ADGRB2: variants seen among roughly 807,000 people sequenced by gnomAD.
ADGRB2 encodes adhesion G protein-coupled receptor B2, also known as brain-specific angiogenesis inhibitor 2.
ADGRB2 carries 47 observed loss-of-function variants against 178.7 expected under a neutral mutation model. The observed-to-expected ratio is 0.26, with a 90% confidence interval of 0.21 to 0.34. The LOEUF is 0.34. Ranked by LOEUF, ADGRB2 falls within the 10% of genes least tolerant of loss-of-function variation. The pLI, the probability that ADGRB2 is intolerant of heterozygous loss-of-function variation, is 1.00. For synonymous variants in ADGRB2, 870 were observed against 912.4 expected (o/e 0.95, Z 0.84); for missense variants, 1,584 against 2,180.8 (o/e 0.73, Z 5.45).
At position 31,728,535 on chromosome 1, in the gene ADGRB2, A is replaced by G. The variant is rs1411058666; in HGVS notation, c.4416+63T>C. On this transcript the variant is annotated intron_variant, in intron 30 of 32. Coordinates refer to ENST00000373658, the MANE Select transcript of ADGRB2 (RefSeq NM_001364857.2). This position sits in a 1 kb window ranked among gnomAD's most constrained non-coding sequence, Gnocchi z 6.7. ...AGAGCTTGGACTACTTTTAGGAGTG[A>G]GCCCTCCAGGGACAGACACCACAGC... The G allele has an allele frequency of 3.7e-6, 6 of 1,607,416 alleles. No individual in the cohort carries two copies. Among genetic ancestry groups the G allele is most frequent in the Non-Finnish European group, 4.3e-6 (5 of 1,174,070 alleles).
chr1:31,734,330 G>C (rs993674769), intron 25 of ADGRB2, among the ~76,000 whole-genome samples: 2 of 152,222 alleles, frequency 1.3e-5, no homozygotes, highest in African/African-American at 4.8e-5. Flanking sequence ...AAACTGGAGT[G>C]AGCCCAGCTG....
In ADGRB2 at chr1:31,739,493, G is replaced by A. The variant is rs750157781; in HGVS notation, c.2310C>T (p.Ser770=). Residue 770 remains serine (S), a synonymous_variant, in exon 15 of 33, where the codon TCC becomes TCT. Coordinates refer to ENST00000373658, the MANE Select transcript of ADGRB2 (RefSeq NM_001364857.2). ...CCCCAGATGTGGCTGGCTTCCCTGG[G>A]GAGGAGAGGCTGAGCACCTCCTTGG... ...FLPKEVLSLS[S]PGKPATSGAA... 9 of 1,612,704 alleles carry A rather than the reference G, an allele frequency of 5.6e-6. No homozygotes were observed. The highest frequency in any genetic ancestry group is 7.6e-6 in the Non-Finnish European group (9 of 1,179,744).
chr1:31,735,878 C>A lies in ADGRB2; in HGVS notation c.3216G>T (p.Leu1072=). ...CAAAGGCGTAGAGCAGGCCGCCCTC[C>A]AGGGAGAGCCAGCAGCTGGGGTGGG... The part of the protein sequence containing the change: ...YGTSSYCWLS[L]EGGLLYAFVG... Residue 1072 remains leucine (L), a synonymous_variant, in exon 23 of 33, where the codon CTG becomes CTT. Coordinates refer to ENST00000373658, the MANE Select transcript of ADGRB2 (RefSeq NM_001364857.2). This position sits in a 1 kb window ranked among gnomAD's most constrained non-coding sequence, Gnocchi z 6.0. 6.3e-7 allele frequency: 1 copy of A among 1,599,750 alleles called. No individual in the cohort carries two copies. Among genetic ancestry groups the A allele is most frequent in the Non-Finnish European group, 8.5e-7 (1 of 1,173,074 alleles).
At chr1:31,762,908 C>T (rs1647084782) in intron 1 of ADGRB2, among the ~76,000 whole-genome samples, 1 of 152,214 alleles carries the variant, frequency 6.6e-6, no homozygotes, top group African/African-American at 2.4e-5. Context: ...CCCCTCCCCC[C>T]GGCGGGCAAC....
chr1:31,756,904 T>G lies in ADGRB2; in HGVS notation c.22-89A>C. On this transcript the variant is annotated intron_variant, in intron 3 of 32. Coordinates refer to ENST00000373658, the MANE Select transcript of ADGRB2 (RefSeq NM_001364857.2). The surrounding 1 kb of genome is among the most constrained non-coding windows in gnomAD (Gnocchi z 8.5). Reference sequence around the variant, plus strand: ...TGGTGAGCTGCGGGAGTGGGCCTCATAAGTTAAGACCCTGGTCTTTGAAGT... The same window carrying G: ...TGGTGAGCTGCGGGAGTGGGCCTCAGAAGTTAAGACCCTGGTCTTTGAAGT... 1 of 1,312,204 alleles carries G rather than the reference T, an allele frequency of 7.6e-7. No individual in the cohort carries two copies. Among genetic ancestry groups the G allele is most frequent in the Non-Finnish European group, 1.0e-6 (1 of 975,692 alleles). The allele number at this position is 1,312,204 out of a possible 1,614,324, so 81.3% of individuals were successfully genotyped here. A position where few individuals can be genotyped will look rare whatever the true frequency, so the allele number is the denominator to read the frequency against.
In ADGRB2 at chr1:31,735,575, C is replaced by G. The variant is rs1472885814; in HGVS notation, c.3353+5G>C. On this transcript the variant is annotated splice_donor_5th_base_variant and intron_variant, in intron 24 of 32. Coordinates refer to ENST00000373658, the MANE Select transcript of ADGRB2 (RefSeq NM_001364857.2). This position sits in a 1 kb window ranked among gnomAD's most constrained non-coding sequence, Gnocchi z 6.0. ...AAGGCCAAGTCTCAGAGGCCCCCCCCTTACCCGGCCCTCTGCTTCTTGGAT... is the reference window on the plus strand; with the variant it reads ...AAGGCCAAGTCTCAGAGGCCCCCCCGTTACCCGGCCCTCTGCTTCTTGGAT... 9.9e-6 allele frequency: 16 copies of G among 1,613,798 alleles called. No homozygotes were observed. The highest frequency in any genetic ancestry group is 1.3e-5 in the Non-Finnish European group (15 of 1,179,722).
intron 29 of ADGRB2, among the ~76,000 whole-genome samples, chr1:31,729,070 C>T (rs1302434190): frequency 6.6e-6 from 1 of 152,130 alleles, no homozygotes; most frequent in Non-Finnish European, 1.5e-5. Flanking sequence ...CTCACACTGC[C>T]CCTTTTCCTG....
chr1:31,734,088 G>A (rs1004217153), intron 25 of ADGRB2, among the ~76,000 whole-genome samples: 1 of 152,202 alleles, frequency 6.6e-6, no homozygotes, highest in African/African-American at 2.4e-5. Flanking sequence ...CCTAGGAAGT[G>A]CAGTTCAGGG....
In ADGRB2 at chr1:31,744,229, C is replaced by G. The variant is rs1646148991; in HGVS notation, c.1051G>C (p.Glu351Gln). The change falls in exon 6 of 33, where the codon GAG becomes CAG. Residue 351 changes from glutamate to glutamine, a missense_variant. Around this residue, in one of 3 missense-constraint regions of ADGRB2, gnomAD observed 657 missense variants for 847.6 expected, o/e 0.78. Transcript: ENST00000373658. The surrounding 1 kb of genome is among the most constrained non-coding windows in gnomAD (Gnocchi z 6.7). ...YGTLCSGPLRETRPCNNSATC... is the reference protein window; with the variant it reads ...YGTLCSGPLRQTRPCNNSATC... ...GCTGAATTGTTGCAGGGCCTGGTCT[C>G]CCGCAGGGGCCCGCTGCACAGGGTC... The G allele has an allele frequency of 6.5e-7, 1 of 1,545,264 alleles. No homozygotes were observed. Among genetic ancestry groups the G allele is most frequent in the South Asian group, 1.2e-5 (1 of 83,816 alleles).
rs1381553307 is a variant in ADGRB2 at position 31,754,616 on chromosome 1, A to G, written c.838+1383T>C. Among the ~76,000 whole-genome samples the G allele has an allele frequency of 6.6e-6, 1 of 152,256 alleles. No homozygotes were observed. The highest frequency in any genetic ancestry group is 1.9e-4 in the East Asian group (1 of 5,200). On this transcript the variant is annotated intron_variant, in intron 4 of 32. Coordinates refer to ENST00000373658, the MANE Select transcript of ADGRB2 (RefSeq NM_001364857.2). The surrounding 1 kb of genome is among the most constrained non-coding windows in gnomAD (Gnocchi z 5.7). ...CTTCATTGACCGCCGTTAGAGGCCA[A>G]GCTAGCCTGGGAGAGAGGCCACAGC...
chr1:31,728,691 G>A lies in ADGRB2; in HGVS notation c.4381-58C>T. 2 of 1,597,772 alleles carry A rather than the reference G, an allele frequency of 1.3e-6. No homozygotes were observed. Among genetic ancestry groups the A allele is most frequent in the Non-Finnish European group, 1.7e-6 (2 of 1,165,834 alleles). Reference sequence around the variant, plus strand: ...GAAGAAAGCTTTTTACCACCGGCAGGGGCTTTAGAGACAGGAAGCCTGGCA... The same window carrying A: ...GAAGAAAGCTTTTTACCACCGGCAGAGGCTTTAGAGACAGGAAGCCTGGCA... On this transcript the variant is annotated intron_variant, in intron 29 of 32. Coordinates refer to ENST00000373658, the MANE Select transcript of ADGRB2 (RefSeq NM_001364857.2). This position sits in a 1 kb window ranked among gnomAD's most constrained non-coding sequence, Gnocchi z 6.7.
chr1:31,733,622 GCAGAGCACGCGGGGGACATC>G lies in ADGRB2; in HGVS notation c.3453-499_3453-480del, dbSNP rs1382717903. ...ACACCCAGACAGAAAGATTAAACAG[GCAGAGCACGCGGGGGACATC>G]CAGAGCACGAATCCTCAGGGAGAAG... is the stretch of plus-strand genomic sequence containing the variant. On this transcript the variant is annotated intron_variant, in intron 25 of 32. Coordinates refer to ENST00000373658, the MANE Select transcript of ADGRB2 (RefSeq NM_001364857.2). This position sits in a 1 kb window ranked among gnomAD's most constrained non-coding sequence, Gnocchi z 4.3. Among the ~76,000 whole-genome samples, 2 of 152,160 alleles carry G rather than the reference GCAGAGCACGCGGGGGACATC, an allele frequency of 1.3e-5. No individual in the cohort carries two copies. The highest frequency in any genetic ancestry group is 2.9e-5 in the Non-Finnish European group (2 of 68,030).
chr1:31,739,333 G>T lies in ADGRB2; in HGVS notation c.2470C>A (p.Leu824Ile). 1 of 1,455,468 alleles carries T rather than the reference G, an allele frequency of 6.9e-7. No homozygotes were observed. Among genetic ancestry groups the T allele is most frequent in the Non-Finnish European group, 9.1e-7 (1 of 1,101,354 alleles). 90.2% of individuals were successfully genotyped at this position (1,455,468 alleles called of 1,614,324 possible). A position where few individuals can be genotyped will look rare whatever the true frequency, so the allele number is the denominator to read the frequency against. Residue 824 changes from leucine (L) to isoleucine (I), a missense_variant, in exon 15 of 33, where the codon CTT (leucine) becomes ATT (isoleucine). Around this residue, in one of 3 missense-constraint regions of ADGRB2, gnomAD observed 865 missense variants for 1,192.8 expected, o/e 0.73. Coordinates refer to ENST00000373658, the MANE Select transcript of ADGRB2 (RefSeq NM_001364857.2). ...FVIGAVLYRT[L>I]GLILPPPRPP... ...CTGGGAGGCGGCAGGATGAGGCCAAGGGTGCGGTAGAGTACAGCACCGATC... is the reference window on the plus strand; with the variant it reads ...CTGGGAGGCGGCAGGATGAGGCCAATGGTGCGGTAGAGTACAGCACCGATC...
chr1:31,759,363 T>C lies in ADGRB2; in HGVS notation c.-190-1852A>G, dbSNP rs760373542. On this transcript the variant is annotated intron_variant, in intron 1 of 32. Coordinates refer to ENST00000373658, the MANE Select transcript of ADGRB2 (RefSeq NM_001364857.2). This position sits in a 1 kb window ranked among gnomAD's most constrained non-coding sequence, Gnocchi z 4.3. ...TGAGGCTCAGCATATGACAGCTAAGTGTCAGGCAGGATCCTCTGCGGGGTC... is the reference window on the plus strand; with the variant it reads ...TGAGGCTCAGCATATGACAGCTAAGCGTCAGGCAGGATCCTCTGCGGGGTC... The C allele has an allele frequency of 3.8e-6, 3 of 779,678 alleles. No individual in the cohort carries two copies. In the East Asian group the frequency reaches 7.3e-5, roughly 19 times the overall value. The allele number at this position is 779,678 out of a possible 1,614,324, so 48.3% of individuals were successfully genotyped here. A position where few individuals can be genotyped will look rare whatever the true frequency, so the allele number is the denominator to read the frequency against.
chr1:31,746,578 C>G lies in ADGRB2; in HGVS notation c.839-1847G>C, dbSNP rs904452130. ...CGCCCGGGACTTCTCAGTGGCCCTT[C>G]TTGGCTCTGTTCCTTCCTCATTCCC... On this transcript the variant is annotated intron_variant, in intron 4 of 32. Coordinates refer to ENST00000373658, the MANE Select transcript of ADGRB2 (RefSeq NM_001364857.2). 2.6e-5 allele frequency among the ~76,000 whole-genome samples: 4 copies of G among 152,294 alleles called. No individual in the cohort carries two copies. In the East Asian group the frequency reaches 5.8e-4, roughly 22 times the overall value.
rs1269672549 is a variant in ADGRB2 at position 31,735,131 on chromosome 1, C to CT, written c.3452+51_3452+52insA. ...CCCCCCACCATGGGCACTGCCCCCC[C>CT]CAATTCCTTTGCCCCACCCACCCCC... is the stretch of plus-strand genomic sequence containing the variant. On this transcript the variant is annotated intron_variant, in intron 25 of 32. Transcript: ENST00000373658. The surrounding 1 kb of genome is among the most constrained non-coding windows in gnomAD (Gnocchi z 6.0). 13 of 1,192,990 alleles carry CT rather than the reference C, an allele frequency of 1.1e-5. No individual in the cohort carries two copies. The highest frequency in any genetic ancestry group is 1.6e-5 in the African/African-American group (1 of 64,292). 73.9% of individuals were successfully genotyped at this position (1,192,990 alleles called of 1,614,324 possible).
intron 7 of ADGRB2, 27 bp downstream of exon 7, chr1:31,742,811 T>C: frequency 7.1e-7 from 1 of 1,410,260 alleles, no homozygotes; most frequent in Non-Finnish European, 9.3e-7. Context: ...GGCAGCGCCC[T>C]CATGGAAGCC....
Position 31,728,064 on chromosome 1 carries a change from A to G in ADGRB2, c.4533T>C (p.Ser1511=). Residue 1511 remains serine, a synonymous_variant, in exon 32 of 33, where the codon AGT becomes AGC. Transcript: ENST00000373658. The surrounding 1 kb of genome is among the most constrained non-coding windows in gnomAD (Gnocchi z 6.7). ...GCTCGGCTGCCCCACCCGAGGACAC[A>G]CTCCACCGCTTCTCCCTCTGCAACG... ...QSTAKREKRW[S]VSSGGAAERS... 1 of 1,599,636 alleles carries G rather than the reference A, an allele frequency of 6.3e-7. No homozygotes were observed.
At chr1:31,738,542 C>T (rs1165503619) in intron 17 of ADGRB2, 45 bp downstream of exon 17, 1 of 1,581,676 alleles carries the variant, frequency 6.3e-7, no homozygotes, top group South Asian at 1.1e-5. Flanking sequence ...GGCAAAGGGC[C>T]CTAGGGCTGC....
Sources: gnomAD v4.1 joint callset for allele counts (sites outside exome capture counted in the v4.1 genomes callset) on GRCh38, gnomAD v4.1.1 for gene constraint, gnomAD v4.1.1 regional missense constraint, Gnocchi (gnomAD v3.1) non-coding constraint, MANE v1.5 for transcripts, NCBI Gene and HGNC (gene_info 2026-07-23, HGNC 2026-07-21) for gene names.